UCP1: variants seen among roughly 807,000 people sequenced by gnomAD.
UCP1 encodes mitochondrial brown fat uncoupling protein 1.
A neutral mutation model predicts 26.2 loss-of-function variants in UCP1; 24 were observed. The observed-to-expected ratio is 0.92, with a 90% CI of 0.66 to 1.29. The LOEUF is 1.29. Among genes scored for constraint, UCP1 ranks in the 50% most tolerant of loss-of-function variants. UCP1 has a pLI of 0.00. For missense variants in UCP1, 402 were observed against 388.7 expected (o/e 1.03, Z -0.29); for synonymous variants, 164 against 156.8 (o/e 1.05, Z -0.34).
chr4:140,559,540 C>T lies in UCP1; in HGVS notation c.*356G>A. ...TTTAAGTATTTATAAATATAAACTGCATTTCACTCAGTTTCTTTTCCACCA... is the reference window on the plus strand; with the variant it reads ...TTTAAGTATTTATAAATATAAACTGTATTTCACTCAGTTTCTTTTCCACCA... On this transcript the variant is annotated 3_prime_UTR_variant, in exon 6 of 6. Coordinates refer to ENST00000262999, the MANE Select transcript of UCP1 (RefSeq NM_021833.5). 1 of 202,298 alleles carries T rather than the reference C, an allele frequency of 4.9e-6. No individual in the cohort carries two copies. Among genetic ancestry groups the T allele is most frequent in the Non-Finnish European group, 1.0e-5 (1 of 100,396 alleles). The allele number at this position is 202,298 out of a possible 1,614,324, so 12.5% of individuals were successfully genotyped here.
At chr4:140,566,818 A>G (rs920715942) in intron 2 of UCP1, among the ~76,000 whole-genome samples, 1 of 152,208 alleles carries the variant, frequency 6.6e-6, no homozygotes, top group East Asian at 1.9e-4. Context: ...TATTCGGCTA[A>G]CACTTTTTAC....
intron 5 of UCP1, among the ~76,000 whole-genome samples, chr4:140,561,527 A>C (rs2043123): frequency 6.6e-6 from 1 of 151,726 alleles, no homozygotes; most frequent in Admixed American, 6.6e-5. Flanking sequence ...TAATTTTTAA[A>C]TTTTTTGTTG....
chr4:140,560,709 C>A lies in UCP1; in HGVS notation c.810-699G>T, dbSNP rs1016464272. Among the ~76,000 whole-genome samples the A allele has an allele frequency of 2.0e-5, 3 of 151,042 alleles. No homozygotes were observed. The East Asian group carries it at 5.8e-4, about 29-fold the overall frequency. The stretch of plus-strand genomic sequence containing the variant: ...AATTTTTTTCCTTCAAGTCTCTTAA[C>A]ATGTTTCTCTTCACTTCCCAATGTG... On this transcript the variant is annotated intron_variant, in intron 5 of 5. Transcript: ENST00000262999.
chr4:140,562,169 C>T (rs746861912), intron 5 of UCP1, 24 bp downstream of exon 5: 2 of 1,613,930 alleles, frequency 1.2e-6, no homozygotes, highest in East Asian at 4.5e-5. Context: ...GAACACATTA[C>T]AGATACACAA....
Position 140,559,522 on chromosome 4 carries a change from A to G in UCP1, c.*374T>C, listed in dbSNP as rs1223900929. The G allele has an allele frequency of 5.3e-6, 1 of 187,358 alleles. No individual in the cohort carries two copies. Among genetic ancestry groups the G allele is most frequent in the Non-Finnish European group, 1.1e-5 (1 of 90,816 alleles). 11.6% of individuals were successfully genotyped at this position (187,358 alleles called of 1,614,324 possible). On this transcript the variant is annotated 3_prime_UTR_variant, in exon 6 of 6. Coordinates refer to ENST00000262999, the MANE Select transcript of UCP1 (RefSeq NM_021833.5). ...ATTTTTAATAACTTCATTTTTAAGTATTTATAAATATAAACTGCATTTCAC... is the reference window on the plus strand; with the variant it reads ...ATTTTTAATAACTTCATTTTTAAGTGTTTATAAATATAAACTGCATTTCAC...
At chr4:140,563,653 G>A in intron 2 of UCP1, 135 bp from the exon 3 acceptor site, 4 of 820,582 alleles carry the variant, frequency 4.9e-6, no homozygotes, top group Non-Finnish European at 7.5e-6. Flanking sequence ...TGTTATCTAG[G>A]CTAGAGTGCA....
intron 2 of UCP1, among the ~76,000 whole-genome samples, chr4:140,567,366 T>C (rs1735821287): frequency 6.6e-6 from 1 of 152,220 alleles, no homozygotes; most frequent in Admixed American, 6.5e-5. Context: ...TGAGGGAAGC[T>C]TGTGGAAAGA....
chr4:140,561,118 A>G (rs1328930305), intron 5 of UCP1, among the ~76,000 whole-genome samples: 1 of 152,240 alleles, frequency 6.6e-6, no homozygotes, highest in African/African-American at 2.4e-5. Context: ...AATAACTGGT[A>G]TATCCATTTT....
At position 140,563,455 on chromosome 4, in the gene UCP1, A is replaced by G. The variant is rs762107744; in HGVS notation, c.389T>C (p.Ile130Thr). 1.7e-5 allele frequency: 28 copies of G among 1,614,040 alleles called. No individual in the cohort carries two copies. Among genetic ancestry groups the G allele is most frequent in the Admixed American group, 1.2e-4 (7 of 59,992 alleles). The change falls in exon 3 of 6, where the codon ATT (isoleucine) becomes ACT (threonine). Residue 130 changes from isoleucine to threonine, a missense_variant. Physicochemically the swap from Ile to Thr is moderately conservative, Grantham distance 89. Coordinates refer to ENST00000262999, the MANE Select transcript of UCP1 (RefSeq NM_021833.5). ...TTTCACGACCTCTGTGGGTTGCCCA[A>G]TGAATACTGCCACTCCTCCAGTCGT... ...GLTTGGVAVF[I>T]GQPTEVVKVR...
rs1162103223 is a variant in UCP1 at position 140,567,876 on chromosome 4, G to A, written c.228C>T (p.Ser76=). The part of the protein sequence containing the change: ...VKTEGRMKLY[S]GLPAGLQRQI... The stretch of plus-strand genomic sequence containing the variant: ...GCCGCTGAAGCCCCGCAGGCAGCCC[G>A]CTGTAGAGTTTCATCCGCCCTTCTG... Residue 76 remains serine (S), a synonymous_variant, in exon 2 of 6, where the codon AGC becomes AGT. Coordinates refer to ENST00000262999, the MANE Select transcript of UCP1 (RefSeq NM_021833.5). 5.0e-6 allele frequency: 8 copies of A among 1,614,028 alleles called. No homozygotes were observed. The African/African-American group carries it at 8.0e-5, about 16-fold the overall frequency.
At position 140,568,909 on chromosome 4, in the gene UCP1, G is replaced by C. The variant is rs3749539; in HGVS notation, c.-180C>G. Reference sequence around the variant, plus strand: ...GGCTGCAGACGGAGCGCGGTGTTGGGGGCCGAGTCCCCGCGTCCCCTCCTA... The same window carrying C: ...GGCTGCAGACGGAGCGCGGTGTTGGCGGCCGAGTCCCCGCGTCCCCTCCTA... On this transcript the variant is annotated 5_prime_UTR_variant, in exon 1 of 6. Coordinates refer to ENST00000262999, the MANE Select transcript of UCP1 (RefSeq NM_021833.5). 1 of 897,960 alleles carries C rather than the reference G, an allele frequency of 1.1e-6. No homozygotes were observed. Among genetic ancestry groups the C allele is most frequent in the Non-Finnish European group, 1.7e-6 (1 of 602,168 alleles). 55.6% of individuals were successfully genotyped at this position (897,960 alleles called of 1,614,324 possible). A position where few individuals can be genotyped will look rare whatever the true frequency, so the allele number is the denominator to read the frequency against.
chr4:140,568,768 C>T lies in UCP1; in HGVS notation c.-39G>A. On this transcript the variant is annotated 5_prime_UTR_variant, in exon 1 of 6. Transcript: ENST00000262999. ...CTGGAGATGCAGAGGAAAAGGGCTC[C>T]AGCCCCGAAGGTGGAGGAAGTTCCT... 6.4e-7 allele frequency: 1 copy of T among 1,554,366 alleles called. No homozygotes were observed. Among genetic ancestry groups the T allele is most frequent in the Admixed American group, 1.9e-5 (1 of 52,132 alleles).
chr4:140,568,500 C>A, intron 1 of UCP1, 104 bp downstream of exon 1: 1 of 1,561,460 alleles, frequency 6.4e-7, no homozygotes, highest in East Asian at 2.3e-5. Flanking sequence ...GTCACCTACC[C>A]TACCTAGAAA....
In UCP1 at chr4:140,567,920, T is replaced by C. The variant is rs1735838456; in HGVS notation, c.184A>G (p.Ile62Val). 2 of 1,614,202 alleles carry C rather than the reference T, an allele frequency of 1.2e-6. No individual in the cohort carries two copies. Among genetic ancestry groups the C allele is most frequent in the South Asian group, 1.1e-5 (1 of 91,084 alleles). Residue 62 changes from isoleucine to valine, a missense_variant, in exon 2 of 6, where the codon ATC becomes GTC. Physicochemically the swap from Ile to Val is conservative, Grantham distance 29. Coordinates refer to ENST00000262999, the MANE Select transcript of UCP1 (RefSeq NM_021833.5). ...VIRYKGVLGT[I>V]TAVVKTEGRM... ...CCTTCTGTTTTTACCACAGCGGTGA[T>C]TGTTCCCAGGACACCTTTATACCTA...
At position 140,568,894 on chromosome 4, in the gene UCP1, G is replaced by A; in HGVS notation, c.-165C>T. The A allele has an allele frequency of 9.1e-7, 1 of 1,094,052 alleles. No individual in the cohort carries two copies. Among genetic ancestry groups the A allele is most frequent in the Non-Finnish European group, 1.3e-6 (1 of 773,016 alleles). 67.8% of individuals were successfully genotyped at this position (1,094,052 alleles called of 1,614,324 possible). On this transcript the variant is annotated 5_prime_UTR_variant, in exon 1 of 6. Transcript: ENST00000262999. ...CGGTGCAGAGGCGGCGGCTGCAGAC[G>A]GAGCGCGGTGTTGGGGGCCGAGTCC...
chr4:140,559,698 T>C lies in UCP1; in HGVS notation c.*198A>G. 2 of 586,794 alleles carry C rather than the reference T, an allele frequency of 3.4e-6. No individual in the cohort carries two copies. The highest frequency in any genetic ancestry group is 4.2e-5 in the South Asian group (2 of 48,170). The allele number at this position is 586,794 out of a possible 1,614,324, so 36.3% of individuals were successfully genotyped here. On this transcript the variant is annotated 3_prime_UTR_variant, in exon 6 of 6. Transcript: ENST00000262999. ...ATATGCTGAATGTTTTGCTTTCCCCTTCTTAAGACACTGAGAAAAAAAAAA... is the reference window on the plus strand; with the variant it reads ...ATATGCTGAATGTTTTGCTTTCCCCCTCTTAAGACACTGAGAAAAAAAAAA...
chr4:140,567,681 C>T (rs528178499), intron 2 of UCP1, 98 bp downstream of exon 2: 1 of 1,468,820 alleles, frequency 6.8e-7, no homozygotes, highest in East Asian at 2.3e-5. Context: ...GTTTTCTCGC[C>T]AATTTGTTAT....
Position 140,567,860 on chromosome 4 carries a change from G to A in UCP1, c.244C>T (p.Leu82Phe). ...GAGGCGGAGCTGATTTGCCGCTGAA[G>A]CCCCGCAGGCAGCCCGCTGTAGAGT... ...MKLYSGLPAG[L>F]QRQISSASLR... is the part of the protein sequence containing the mutation. Residue 82 changes from leucine to phenylalanine, a missense_variant, in exon 2 of 6, where the codon CTT (leucine) becomes TTT (phenylalanine). Physicochemically the swap from Leu to Phe is conservative, Grantham distance 22 (BLOSUM62 0). Transcript: ENST00000262999. 1 of 1,614,136 alleles carries A rather than the reference G, an allele frequency of 6.2e-7. No individual in the cohort carries two copies. Among genetic ancestry groups the A allele is most frequent in the Non-Finnish European group, 8.5e-7 (1 of 1,180,042 alleles).
chr4:140,566,595 A>G (rs572906198), intron 2 of UCP1, among the ~76,000 whole-genome samples: 1 of 152,240 alleles, frequency 6.6e-6, no homozygotes, highest in Admixed American at 6.5e-5. Flanking sequence ...TATAACTTAT[A>G]TATTTGTATA....
Sources: allele counts gnomAD v4.1 joint callset (sites outside exome capture counted in the v4.1 genomes callset), GRCh38; gene constraint gnomAD v4.1.1; transcripts MANE v1.5; gene names NCBI Gene and HGNC (gene_info 2026-07-23, HGNC 2026-07-21).